The following ABHD12 variants were observed in gnomAD, a reference collection of about 807,000 sequenced individuals.
The protein encoded by ABHD12 is abhydrolase domain containing 12, lysophospholipase.
ABHD12 carries 43 observed loss-of-function variants against 58.3 expected under a neutral mutation model. That is an observed-to-expected ratio of 0.74 (90% CI 0.58 to 0.95). The LOEUF is 0.95. Ranked by LOEUF, ABHD12 falls within the 40% of genes least tolerant of loss-of-function variation. The pLI, the probability that ABHD12 is intolerant of heterozygous loss-of-function variation, is 0.00. For synonymous variants in ABHD12, 219 were observed against 211.2 expected (o/e 1.04, Z -0.32); for missense variants, 539 against 537.2 (o/e 1.00, Z -0.03).
In ABHD12 at chr20:25,303,646, G is replaced by C. The variant is rs368197592; in HGVS notation, c.951-18C>G. On this transcript the variant is annotated intron_variant, in intron 10 of 12. Coordinates refer to ENST00000339157, the MANE Select transcript of ABHD12 (RefSeq NM_001042472.3). ...GCTTCACGCTGTAGGAGGGAGAAGG[G>C]GCTAGACCAAGACCAGGGAAAGGGC... The C allele has an allele frequency of 6.2e-7, 1 of 1,613,160 alleles. No individual in the cohort carries two copies. The highest frequency in any genetic ancestry group is 1.3e-5 in the African/African-American group (1 of 74,944).
intron 3 of ABHD12, among the ~76,000 whole-genome samples, chr20:25,320,704 A>T (rs1170939465): frequency 6.6e-6 from 1 of 152,258 alleles, no homozygotes; most frequent in Non-Finnish European, 1.5e-5. Context: ...CCCCATGCTT[A>T]AATTGTCCAC....
In ABHD12 at chr20:25,390,582, CG is replaced by C. The variant is rs753912845; in HGVS notation, c.121del (p.Arg41AlafsTer2). 2 of 1,477,648 alleles carry C rather than the reference CG, an allele frequency of 1.4e-6. No individual in the cohort carries two copies. Among genetic ancestry groups the C allele is most frequent in the South Asian group, 2.5e-5 (2 of 79,186 alleles). 91.5% of individuals were successfully genotyped at this position (1,477,648 alleles called of 1,614,324 possible). A position where few individuals can be genotyped will look rare whatever the true frequency, so the allele number is the denominator to read the frequency against. Reference sequence around the variant, plus strand: ...CTCAGCCGCCGCCGGGCCCGTCAGGCGTAGGTTCTGCTTCAGGCGGCAGTCG... The same window carrying C: ...CTCAGCCGCCGCCGGGCCCGTCAGGCTAGGTTCTGCTTCAGGCGGCAGTCG... ...DADCRLKQNL[R>X]LTGPAAAEPR... On this transcript the variant is annotated frameshift_variant, in exon 1 of 13. Transcript: ENST00000339157. LOFTEE classifies it high-confidence loss of function.
intron 1 of ABHD12, among the ~76,000 whole-genome samples, chr20:25,384,876 A>G (rs1285691168): frequency 6.6e-6 from 1 of 152,202 alleles, no homozygotes; most frequent in East Asian, 1.9e-4. Flanking sequence ...TGTCCCCTTC[A>G]GAAAGAACCT....
At chr20:25,354,061 G>A (rs2089637222) in intron 1 of ABHD12, among the ~76,000 whole-genome samples, 1 of 152,196 alleles carries the variant, frequency 6.6e-6, no homozygotes, top group Non-Finnish European at 1.5e-5. Context: ...AAGCCATCCT[G>A]GAGCGGCCAA....
intron 3 of ABHD12, among the ~76,000 whole-genome samples, chr20:25,320,927 T>C (rs1035877410): frequency 1.3e-5 from 2 of 152,216 alleles, no homozygotes; most frequent in African/African-American, 4.8e-5. Flanking sequence ...TTCAGAGAGA[T>C]ACTGAGGTTA....
chr20:25,367,927 G>C (rs142001969), intron 1 of ABHD12, among the ~76,000 whole-genome samples: 20 of 152,056 alleles, frequency 1.3e-4, no homozygotes, highest in African/African-American at 4.1e-4. Flanking sequence ...AAGCGCAGCT[G>C]CTGCATTATA....
At chr20:25,308,416 G>A (rs768524930) in intron 8 of ABHD12, 41 bp downstream of exon 8, 1 of 1,603,502 alleles carries the variant, frequency 6.2e-7, no homozygotes, top group Admixed American at 1.7e-5. Context: ...GGAGCACCCT[G>A]AATGCTCACT....
chr20:25,303,503 G>A (rs2088677148), intron 11 of ABHD12, 47 bp downstream of exon 11: 1 of 1,607,034 alleles, frequency 6.2e-7, no homozygotes. Flanking sequence ...CACACTGGCT[G>A]AGTGTGCAAG....
At chr20:25,311,165 T>G (rs747931008) in intron 6 of ABHD12, among the ~76,000 whole-genome samples, 2 of 152,182 alleles carry the variant, frequency 1.3e-5, no homozygotes, top group Non-Finnish European at 2.9e-5. Context: ...TGTGAACGCG[T>G]TGGGTCACAT....
At chr20:25,339,059 T>C (rs1410957770) in intron 2 of ABHD12, 168 bp downstream of exon 2, 6 of 1,401,468 alleles carry the variant, frequency 4.3e-6, no homozygotes, top group African/African-American at 1.5e-5. Context: ...GCTCTACCTA[T>C]CTATCTCTAA....
At chr20:25,384,050 G>A (rs1489991347) in intron 1 of ABHD12, among the ~76,000 whole-genome samples, 1 of 150,402 alleles carries the variant, frequency 6.6e-6, no homozygotes, top group Non-Finnish European at 1.5e-5. Flanking sequence ...GCTGAGGCAG[G>A]AGAATCGCTT....
intron 1 of ABHD12, among the ~76,000 whole-genome samples, chr20:25,388,608 G>C (rs555190545): frequency 6.6e-6 from 1 of 152,136 alleles, no homozygotes; most frequent in Admixed American, 6.5e-5. Flanking sequence ...CCTTTGTTTT[G>C]CTTTTTACCC....
At chr20:25,347,339 C>T (rs934931379) in intron 1 of ABHD12, among the ~76,000 whole-genome samples, 2 of 152,296 alleles carry the variant, frequency 1.3e-5, no homozygotes, top group East Asian at 1.9e-4. Flanking sequence ...TCCTGGACTG[C>T]AACCATTATC....
chr20:25,339,464 A>T, intron 1 of ABHD12, 113 bp from the exon 2 acceptor site: 3 of 1,511,764 alleles, frequency 2.0e-6, no homozygotes, highest in Non-Finnish European at 2.7e-6. Context: ...TTTTTTTTCC[A>T]CAAGGATACT....
At chr20:25,385,841 G>A (rs1446408544) in intron 1 of ABHD12, among the ~76,000 whole-genome samples, 1 of 152,112 alleles carries the variant, frequency 6.6e-6, no homozygotes, top group Admixed American at 6.5e-5. Context: ...GCTGACACCT[G>A]TAATCCCAGC....
At chr20:25,314,672 C>G (rs1245808246) in intron 6 of ABHD12, among the ~76,000 whole-genome samples, 1 of 149,876 alleles carries the variant, frequency 6.7e-6, no homozygotes, top group Non-Finnish European at 1.5e-5. Context: ...AAGTGAGATC[C>G]TATCTTAAAA....
chr20:25,300,087 T>C (rs1171899367), downstream of ABHD12: 3 of 670,334 alleles, frequency 4.5e-6, no homozygotes, highest in Non-Finnish European at 5.5e-6. Context: ...CTGCTGGGAC[T>C]AGAAAATTTC....
At chr20:25,387,717 G>C (rs1443590295) in intron 1 of ABHD12, among the ~76,000 whole-genome samples, 1 of 151,838 alleles carries the variant, frequency 6.6e-6, no homozygotes, top group East Asian at 1.9e-4. Flanking sequence ...TCCAGCCTGG[G>C]TGACGGAACT....
chr20:25,368,485 A>T, intron 1 of ABHD12: 2 of 1,545,194 alleles, frequency 1.3e-6, no homozygotes, highest in South Asian at 1.1e-5. Flanking sequence ...ACAAGATGCT[A>T]GGACCTGTAT....
Sources: allele counts gnomAD v4.1 joint callset (sites outside exome capture counted in the v4.1 genomes callset), GRCh38; gene constraint gnomAD v4.1.1; transcripts MANE v1.5; gene names NCBI Gene and HGNC (gene_info 2026-07-23, HGNC 2026-07-21).